PRKAR2B: variants seen among roughly 807,000 people sequenced by gnomAD.
PRKAR2B encodes cAMP-dependent protein kinase type II-beta regulatory subunit.
PRKAR2B carries 14 observed loss-of-function variants against 49.9 expected under a neutral mutation model. The ratio of observed to expected loss-of-function variants is 0.28; its 90% confidence interval spans 0.19 to 0.44. The LOEUF (loss-of-function observed/expected upper bound fraction) is 0.44. Ranked by LOEUF, PRKAR2B falls within the 20% of genes least tolerant of loss-of-function variation. PRKAR2B has a pLI of 1.00. For synonymous variants in PRKAR2B, 196 were observed against 197.7 expected (o/e 0.99, Z 0.07); for missense variants, 393 against 537.9 (o/e 0.73, Z 2.67).
At chr7:107,150,866 A>G in intron 6 of PRKAR2B, 56 bp from the exon 7 acceptor site, 1 of 852,712 alleles carries the variant, frequency 1.2e-6, no homozygotes, top group Non-Finnish European at 1.9e-6. Flanking sequence ...ATAAAATAAA[A>G]CTATTTGTAT....
chr7:107,133,470 A>T (rs2115618186), intron 4 of PRKAR2B: 1 of 152,356 alleles, frequency 6.6e-6, no homozygotes, highest in African/African-American at 2.4e-5. Flanking sequence ...ACAATATATT[A>T]GTAAATCATT....
At chr7:107,047,530 A>G (rs1160794136) in intron 1 of PRKAR2B, among the ~76,000 whole-genome samples, 2 of 151,434 alleles carry the variant, frequency 1.3e-5, no homozygotes, top group Non-Finnish European at 3.0e-5. Flanking sequence ...ACCCCTGGTT[A>G]GAAGAAAAAA....
At chr7:107,083,611 C>CTTG (rs750753020) in intron 2 of PRKAR2B, among the ~76,000 whole-genome samples, 3 of 151,664 alleles carry the variant, frequency 2.0e-5, no homozygotes, top group South Asian at 2.1e-4. Context: ...CTAGTTTTTT[C>CTTG]TTGTTGTTGT....
At chr7:107,080,515 A>G (rs1794494522) in intron 2 of PRKAR2B, among the ~76,000 whole-genome samples, 2 of 152,168 alleles carry the variant, frequency 1.3e-5, no homozygotes, top group South Asian at 2.1e-4. Flanking sequence ...AAGTACTTGC[A>G]GTCTAGGGAA....
chr7:107,112,293 T>A (rs977205094), intron 2 of PRKAR2B, among the ~76,000 whole-genome samples: 3 of 151,922 alleles, frequency 2.0e-5, no homozygotes, highest in Non-Finnish European at 1.5e-5. Flanking sequence ...TTAAAATGCT[T>A]AATTATTAGT....
chr7:107,071,831 T>C (rs1794282408), intron 2 of PRKAR2B, among the ~76,000 whole-genome samples: 2 of 152,138 alleles, frequency 1.3e-5, no homozygotes, highest in Admixed American at 6.5e-5. Context: ...TTTGGGAGGC[T>C]GAGGCGGGCA....
chr7:107,069,611 T>C (rs773775839), intron 1 of PRKAR2B: 5 of 152,096 alleles, frequency 3.3e-5, no homozygotes, highest in African/African-American at 4.8e-5. Context: ...AGAGCTGAGT[T>C]GAGTCGGAGG....
At chr7:107,068,898 C>T (rs1461482937) in intron 1 of PRKAR2B, 1 of 152,104 alleles carries the variant, frequency 6.6e-6, no homozygotes, top group African/African-American at 2.4e-5. Context: ...TTCTCTGAGA[C>T]TTACTGTAAA....
At chr7:107,094,033 G>C (rs141412430) in intron 2 of PRKAR2B, among the ~76,000 whole-genome samples, 1,660 of 152,278 alleles carry the variant, frequency 0.011, 24 homozygotes, top group Middle Eastern at 0.065. Flanking sequence ...ACCCAGTAAT[G>C]GGATGGCTGG....
chr7:107,134,986 C>T (rs1327496212), intron 4 of PRKAR2B, among the ~76,000 whole-genome samples: 1 of 151,722 alleles, frequency 6.6e-6, no homozygotes, highest in Admixed American at 6.6e-5. Context: ...TAGGACTTCA[C>T]ACAGATGTAA....
chr7:107,098,351 C>T (rs1317969444), intron 2 of PRKAR2B, among the ~76,000 whole-genome samples: 1 of 152,202 alleles, frequency 6.6e-6, no homozygotes, highest in African/African-American at 2.4e-5. Context: ...CCATGGTTTT[C>T]AGCTCCATCA....
chr7:107,109,060 G>A (rs1012957687), intron 2 of PRKAR2B, among the ~76,000 whole-genome samples: 6 of 152,142 alleles, frequency 3.9e-5, no homozygotes, highest in Non-Finnish European at 7.3e-5. Context: ...GCTAAATAAG[G>A]GGTGAGTTAT....
chr7:107,150,831 CT>C (rs1795972100), intron 6 of PRKAR2B, 90 bp from the exon 7 acceptor site: 3 of 628,264 alleles, frequency 4.8e-6, no homozygotes, highest in Non-Finnish European at 5.5e-6. Context: ...ATTTCAGAAT[CT>C]TCAATCATTG....
At chr7:107,156,158 G>A (rs1796083798) in intron 8 of PRKAR2B, among the ~76,000 whole-genome samples, 2 of 152,066 alleles carry the variant, frequency 1.3e-5, no homozygotes, top group Non-Finnish European at 2.9e-5. Flanking sequence ...TAATGCATGC[G>A]GGGCTTAAAA....
At chr7:107,151,450 C>A (rs1457150506) in intron 7 of PRKAR2B, among the ~76,000 whole-genome samples, 4 of 152,194 alleles carry the variant, frequency 2.6e-5, no homozygotes, top group African/African-American at 9.7e-5. Context: ...GGCCTCTGTC[C>A]TTGGCCTCTT....
At chr7:107,090,534 T>G (rs1794717166) in intron 2 of PRKAR2B, among the ~76,000 whole-genome samples, 1 of 152,234 alleles carries the variant, frequency 6.6e-6, no homozygotes, top group Admixed American at 6.5e-5. Context: ...TTATGAGAAC[T>G]GTATCTGCCA....
intron 5 of PRKAR2B, among the ~76,000 whole-genome samples, chr7:107,142,337 T>G (rs1285929608): frequency 6.6e-6 from 1 of 152,178 alleles, no homozygotes; most frequent in Non-Finnish European, 1.5e-5. Flanking sequence ...TAGCCAGGAT[T>G]TTAGAATAGA....
intron 1 of PRKAR2B, among the ~76,000 whole-genome samples, chr7:107,057,727 A>G (rs971556024): frequency 2.0e-5 from 3 of 152,170 alleles, no homozygotes; most frequent in African/African-American, 7.2e-5. Flanking sequence ...AATTAAATGA[A>G]TTAACAGTAC....
chr7:107,046,889 G>T (rs1243133849), intron 1 of PRKAR2B, among the ~76,000 whole-genome samples: 1 of 152,014 alleles, frequency 6.6e-6, no homozygotes, highest in Non-Finnish European at 1.5e-5. Context: ...TATTTTGTTT[G>T]TATAATGCAT....
Sources: allele counts gnomAD v4.1 joint callset (sites outside exome capture counted in the v4.1 genomes callset), GRCh38; gene constraint gnomAD v4.1.1; transcripts MANE v1.5; gene names NCBI Gene and HGNC (gene_info 2026-07-23, HGNC 2026-07-21).